The following HSD17B14 variants were observed in gnomAD, a reference collection of about 807,000 sequenced individuals.
HSD17B14 encodes the protein hydroxysteroid 17-beta dehydrogenase 14.
HSD17B14 carries 32 observed loss-of-function variants against 32.2 expected under a neutral mutation model. That is an observed-to-expected ratio of 0.99 (90% confidence interval 0.75 to 1.33). The LOEUF (loss-of-function observed/expected upper bound fraction) is 1.33. HSD17B14 is among the 40% of genes most tolerant of loss of function. The probability of loss-of-function intolerance (pLI) is 0.00; values close to 1 mark genes in which losing one functional copy is unlikely to be tolerated. For missense variants in HSD17B14, 370 were observed against 366.5 expected, an observed-to-expected ratio of 1.01 and a Z score of -0.08; for synonymous variants, 140 against 155.4, an observed-to-expected ratio of 0.90 and a Z score of 0.74.
At chr19:48,816,559 A>G (rs542260070) in intron 5 of HSD17B14, among the ~76,000 whole-genome samples, 2 of 152,076 alleles carry the variant, frequency 1.3e-5, no homozygotes, top group Non-Finnish European at 2.9e-5. Flanking sequence ...CACAGTGTCA[A>G]TGCTAAACGG....
At chr19:48,823,757 C>A (rs1321000216) in intron 5 of HSD17B14, among the ~76,000 whole-genome samples, 1 of 150,914 alleles carries the variant, frequency 6.6e-6, no homozygotes, top group Non-Finnish European at 1.5e-5. Context: ...CCTGCCTCAG[C>A]CTCCCGAGTA....
At position 48,831,770 on chromosome 19, in the gene HSD17B14, G is replaced by C; in HGVS notation, c.278-11C>G. 1 of 1,552,420 alleles carries C rather than the reference G, an allele frequency of 6.4e-7. No homozygotes were observed. Among genetic ancestry groups the C allele is most frequent in the East Asian group, 2.3e-5 (1 of 44,268 alleles). On this transcript the variant is annotated splice_polypyrimidine_tract_variant and intron_variant, in intron 4 of 8. Transcript: ENST00000263278. ...TCTGTGGGGGTGGGTCTAAAGTGGG[G>C]GGTGAGAGAGAGAGGAAAAGTGACG...
In HSD17B14 at chr19:48,835,795, C is replaced by G. The variant is rs200803544; in HGVS notation, c.127+10G>C. On this transcript the variant is annotated intron_variant, in intron 2 of 8. Transcript: ENST00000263278. ...AGGGCCAAGGTGAGGGCTGAGGGAC[C>G]GTCACTCACCATCCTTGTCGCAGAT... The G allele has an allele frequency of 3.7e-6, 6 of 1,613,276 alleles. No homozygotes were observed. Among genetic ancestry groups the G allele is most frequent in the Admixed American group, 1.7e-5 (1 of 59,940 alleles).
intron 5 of HSD17B14, among the ~76,000 whole-genome samples, chr19:48,817,008 T>C: frequency 7.0e-6 from 1 of 142,370 alleles, no homozygotes; most frequent in East Asian, 2.1e-4. Flanking sequence ...GATAATTTTT[T>C]TTTTTTTTTT....
chr19:48,815,499 T>C (rs930041362), intron 5 of HSD17B14, among the ~76,000 whole-genome samples: 1 of 152,140 alleles, frequency 6.6e-6, no homozygotes, highest in Non-Finnish European at 1.5e-5. Flanking sequence ...TCCAGAAGGC[T>C]GCATATTTTT....
At chr19:48,824,349 T>A (rs147552589) in intron 5 of HSD17B14, among the ~76,000 whole-genome samples, 5 of 140,896 alleles carry the variant, frequency 3.5e-5, no homozygotes, top group Non-Finnish European at 6.1e-5. Flanking sequence ...GGTGGGAGGA[T>A]CCCTTGAGCC....
chr19:48,819,897 C>G (rs2035117388), intron 5 of HSD17B14, among the ~76,000 whole-genome samples: 1 of 152,216 alleles, frequency 6.6e-6, no homozygotes, highest in South Asian at 2.1e-4. Context: ...CCTGTAATCC[C>G]AGCATCTGGG....
intron 3 of HSD17B14, 98 bp downstream of exon 3, chr19:48,834,178 G>T (rs533491941): frequency 2.1e-6 from 2 of 967,862 alleles, no homozygotes; most frequent in Non-Finnish European, 1.6e-6. Context: ...GCCAGGAGAG[G>T]AAGGAAAAGT....
At chr19:48,825,818 CTTTA>C (rs779912813) in intron 5 of HSD17B14, among the ~76,000 whole-genome samples, 2 of 151,706 alleles carry the variant, frequency 1.3e-5, no homozygotes, top group Non-Finnish European at 2.9e-5. Context: ...ACTTGACCAA[CTTTA>C]TTTATTTATT....
At chr19:48,836,268 G>T in intron 1 of HSD17B14, 56 bp downstream of exon 1, 2 of 1,365,850 alleles carry the variant, frequency 1.5e-6, no homozygotes, top group Admixed American at 2.0e-5. Flanking sequence ...CCATCACCCC[G>T]CCCCCATCCT....
rs1568518158 is a variant in HSD17B14, at chr19:48,818,325, GAA to G, written c.370-3186_370-3185del. ...GACTGTCTCAAAAAAAAAGAAAAAAGAAAAAAGAAAAAGAGAAACCATGCTCT... is the reference window on the plus strand; with the variant it reads ...GACTGTCTCAAAAAAAAAGAAAAAAGAAAAGAAAAAGAGAAACCATGCTCT... On this transcript the variant is annotated intron_variant, in intron 5 of 8. Transcript: ENST00000263278. Among the ~76,000 whole-genome samples, 4 of 86,086 alleles carry G rather than the reference GAA, an allele frequency of 4.6e-5. No homozygotes were observed. In the East Asian group the frequency reaches 1.1e-3, roughly 25 times the overall value. 56.5% of individuals were successfully genotyped at this position (86,086 alleles called of 152,430 possible).
At position 48,836,388 on chromosome 19, in the gene HSD17B14, G is replaced by C. The variant is rs889397028; in HGVS notation, c.24C>G (p.Ala8=). MATGTRY[A]GKVVVVTGGG... is the part of the protein sequence containing the mutation. ...CCCCGGTCACGACCACCACCTTCCCGGCATAGCGCGTTCCCGTAGCCATCC... is the reference window on the plus strand; with the variant it reads ...CCCCGGTCACGACCACCACCTTCCCCGCATAGCGCGTTCCCGTAGCCATCC... The change falls in exon 1 of 9, where the codon GCC becomes GCG. Residue 8 remains alanine, a synonymous_variant. Coordinates refer to ENST00000263278, the MANE Select transcript of HSD17B14 (RefSeq NM_016246.3). The C allele has an allele frequency of 3.1e-6, 5 of 1,613,366 alleles. No homozygotes were observed. The East Asian group carries it at 8.9e-5, about 29-fold the overall frequency.
chr19:48,814,202 A>AGAAG (rs1555775575), intron 6 of HSD17B14, among the ~76,000 whole-genome samples: 1 of 147,820 alleles, frequency 6.8e-6, no homozygotes, highest in African/African-American at 2.5e-5. Flanking sequence ...CTAAAAAAAA[A>AGAAG]AAGAAGAAAA....
chr19:48,835,494 C>G (rs560736681), intron 2 of HSD17B14, among the ~76,000 whole-genome samples: 1 of 120,466 alleles, frequency 8.3e-6, no homozygotes, highest in African/African-American at 3.2e-5. Context: ...GAGCCTGGAC[C>G]CCTGGGTCTG....
intron 6 of HSD17B14, 43 bp downstream of exon 6, chr19:48,814,994 G>A (rs201341184): frequency 8.9e-5 from 132 of 1,482,458 alleles, no homozygotes; most frequent in Admixed American, 4.9e-4. Flanking sequence ...CAAGGCCCAT[G>A]GGAAGGAGTA....
At chr19:48,821,241 C>T (rs2035143381) in intron 5 of HSD17B14, among the ~76,000 whole-genome samples, 1 of 151,984 alleles carries the variant, frequency 6.6e-6, no homozygotes, top group African/African-American at 2.4e-5. Context: ...TCTCGATCTC[C>T]CGACCTCGTG....
At chr19:48,828,951 A>T (rs147521365) in intron 5 of HSD17B14, among the ~76,000 whole-genome samples, 2,668 of 151,928 alleles carry the variant, frequency 0.018, 82 homozygotes, top group African/African-American at 0.061. Flanking sequence ...AATCCCAGCC[A>T]CTAGGGAGGC....
In HSD17B14 at chr19:48,836,372, C is replaced by G; in HGVS notation, c.40G>C (p.Val14Leu). Reference sequence around the variant, plus strand: ...CCGATGCCGCGCCCGCCCCCGGTCACGACCACCACCTTCCCGGCATAGCGC... The same window carrying G: ...CCGATGCCGCGCCCGCCCCCGGTCAGGACCACCACCTTCCCGGCATAGCGC... ...GTRYAGKVVV[V>L]TGGGRGIGAG... The change falls in exon 1 of 9, where the codon GTG becomes CTG. Residue 14 changes from valine (V) to leucine (L), a missense_variant. Transcript: ENST00000263278. The G allele has an allele frequency of 6.2e-7, 1 of 1,613,918 alleles. No individual in the cohort carries two copies. Among genetic ancestry groups the G allele is most frequent in the South Asian group, 1.1e-5 (1 of 91,070 alleles).
chr19:48,823,327 T>G (rs1448625005), intron 5 of HSD17B14, among the ~76,000 whole-genome samples: 1 of 152,038 alleles, frequency 6.6e-6, no homozygotes, highest in African/African-American at 2.4e-5. Flanking sequence ...GGAGGATCAC[T>G]TGAGCCTAGG....
Sources: gnomAD v4.1 joint callset for allele counts (sites outside exome capture counted in the v4.1 genomes callset) on GRCh38, gnomAD v4.1.1 for gene constraint, MANE v1.5 for transcripts, NCBI Gene and HGNC (gene_info 2026-07-23, HGNC 2026-07-21) for gene names.